Variants in ITPR1 observed in about 807,000 individuals in gnomAD.
ITPR1 encodes inositol 1,4,5-trisphosphate receptor type 1.
A neutral mutation model predicts 318.4 loss-of-function variants in ITPR1; 96 were observed. That is an observed-to-expected ratio of 0.30 (90% CI 0.26 to 0.36). The LOEUF is 0.36. ITPR1 is among the 10% of genes least tolerant of loss of function. The probability of loss-of-function intolerance (pLI) is 1.00; values close to 1 mark genes in which losing one functional copy is unlikely to be tolerated. For missense variants in ITPR1, 2,440 were observed against 3,460.2 expected (o/e 0.71, Z 7.40); for synonymous variants, 1,312 against 1,289.9 (o/e 1.02, Z -0.37).
chr3:4,584,419 T>C (rs913735221), intron 4 of ITPR1, among the ~76,000 whole-genome samples: 1 of 152,164 alleles, frequency 6.6e-6, no homozygotes, highest in Admixed American at 6.5e-5. Flanking sequence ...AAACGAAGTT[T>C]ACAGGCCCCC....
chr3:4,783,804 C>A lies in ITPR1; in HGVS notation c.6511-12C>A, dbSNP rs1194408296. 27 of 1,583,750 alleles carry A rather than the reference C, an allele frequency of 1.7e-5. No homozygotes were observed. The highest frequency in any genetic ancestry group is 2.2e-5 in the Non-Finnish European group (26 of 1,162,166). On this transcript the variant is annotated splice_polypyrimidine_tract_variant and intron_variant, in intron 50 of 61. Coordinates refer to ENST00000649015, the MANE Select transcript of ITPR1 (RefSeq NM_001378452.1). Reference sequence around the variant, plus strand: ...GACACCAACCTCCTGTATCTCTGTCCCTGTATTCTAGTTGGCTCGGCATAA... The same window carrying A: ...GACACCAACCTCCTGTATCTCTGTCACTGTATTCTAGTTGGCTCGGCATAA...
intron 57 of ITPR1, 139 bp downstream of exon 57, chr3:4,813,373 A>G: frequency 1.7e-6 from 1 of 593,354 alleles, no homozygotes; most frequent in Non-Finnish European, 3.0e-6. Context: ...GAGAAAGAGG[A>G]GGGAGATGAA....
intron 2 of ITPR1, among the ~76,000 whole-genome samples, chr3:4,510,826 T>C (rs1423778940): frequency 6.6e-6 from 1 of 152,144 alleles, no homozygotes; most frequent in East Asian, 1.9e-4. Flanking sequence ...GAAATGGTAG[T>C]TGAATTCAGA....
At chr3:4,752,393 T>C (rs1048686736) in intron 44 of ITPR1, among the ~76,000 whole-genome samples, 2 of 152,134 alleles carry the variant, frequency 1.3e-5, no homozygotes, top group Non-Finnish European at 2.9e-5. Flanking sequence ...AGTTAACAGT[T>C]AACTCGATGG....
At chr3:4,558,099 G>A (rs1042903368) in intron 4 of ITPR1, among the ~76,000 whole-genome samples, 2 of 152,156 alleles carry the variant, frequency 1.3e-5, no homozygotes, top group Non-Finnish European at 2.9e-5. Context: ...AAATTGGAAC[G>A]TATGCTTAAG....
At chr3:4,650,134 A>G (rs1415041214) in intron 10 of ITPR1, among the ~76,000 whole-genome samples, 1 of 152,202 alleles carries the variant, frequency 6.6e-6, no homozygotes, top group Non-Finnish European at 1.5e-5. Flanking sequence ...ATCATTTAAT[A>G]GCATTTGGAT....
At position 4,531,011 on chromosome 3, in the gene ITPR1, T is replaced by TA. The variant is rs1575430211; in HGVS notation, c.163+9918dup. On this transcript the variant is annotated intron_variant, in intron 4 of 61. Transcript: ENST00000649015. ...TCCTCCTTTGTGCTTGGCTTTCTGA[T>TA]AGGGTCATGCATGCTTTTGTTCTTG... Among the ~76,000 whole-genome samples the TA allele has an allele frequency of 2.6e-5, 4 of 152,252 alleles. No homozygotes were observed. In the East Asian group the frequency reaches 5.8e-4, roughly 22 times the overall value.
intron 15 of ITPR1, 114 bp downstream of exon 15, chr3:4,662,356 C>T: frequency 5.6e-6 from 5 of 896,268 alleles, no homozygotes; most frequent in Non-Finnish European, 7.8e-6. Context: ...GGGTAGCAGG[C>T]CTTAGCATTT....
intron 60 of ITPR1, among the ~76,000 whole-genome samples, chr3:4,822,607 T>C (rs2049801958): frequency 6.6e-6 from 1 of 152,112 alleles, no homozygotes; most frequent in Non-Finnish European, 1.5e-5. Context: ...ATTTGGGGAG[T>C]GGACCCTGAG....
At chr3:4,719,443 G>A (rs1014437853) in intron 40 of ITPR1, among the ~76,000 whole-genome samples, 2 of 152,216 alleles carry the variant, frequency 1.3e-5, no homozygotes, top group African/African-American at 2.4e-5. Flanking sequence ...TTGCCGGTGT[G>A]TACTCCTGGA....
chr3:4,601,451 C>T (rs1490259017), intron 4 of ITPR1, among the ~76,000 whole-genome samples: 2 of 149,670 alleles, frequency 1.3e-5, no homozygotes, highest in Admixed American at 6.7e-5. Flanking sequence ...CCCAGGAGGT[C>T]GAGGCTGCAC....
At chr3:4,751,383 T>A (rs1423068990) in intron 44 of ITPR1, 1 of 152,168 alleles carries the variant, frequency 6.6e-6, no homozygotes, top group East Asian at 1.9e-4. Context: ...AGTGGCCCCC[T>A]GCACCCTGGC....
chr3:4,707,379 G>A (rs2094781726), intron 37 of ITPR1, among the ~76,000 whole-genome samples: 2 of 152,234 alleles, frequency 1.3e-5, no homozygotes, highest in South Asian at 4.1e-4. Flanking sequence ...GATGCTGGTT[G>A]TCAGGTGGGA....
chr3:4,755,758 C>G (rs750419465), intron 44 of ITPR1, among the ~76,000 whole-genome samples: 82 of 152,208 alleles, frequency 5.4e-4, no homozygotes, highest in Non-Finnish European at 1.0e-3. Flanking sequence ...TCTGCCCCAC[C>G]CTTGCCTGGC....
intron 44 of ITPR1, among the ~76,000 whole-genome samples, chr3:4,754,197 G>A (rs2044777120): frequency 6.6e-6 from 1 of 152,098 alleles, no homozygotes; most frequent in South Asian, 2.1e-4. Flanking sequence ...GACCTGGGGA[G>A]TTGTTTCCAG....
At chr3:4,751,424 G>C (rs901080790) in intron 44 of ITPR1, 1 of 152,244 alleles carries the variant, frequency 6.6e-6, no homozygotes, top group Non-Finnish European at 1.5e-5. Context: ...AGGCTTCTGA[G>C]ATGGCTCTGT....
intron 4 of ITPR1, among the ~76,000 whole-genome samples, chr3:4,542,900 C>A (rs994197454): frequency 6.6e-6 from 1 of 152,190 alleles, no homozygotes; most frequent in Admixed American, 6.5e-5. Context: ...TTCTATATAA[C>A]TGCTTCAGTA....
chr3:4,534,137 G>T (rs1044188500), intron 4 of ITPR1, among the ~76,000 whole-genome samples: 4 of 152,198 alleles, frequency 2.6e-5, no homozygotes, highest in Non-Finnish European at 4.4e-5. Flanking sequence ...AATAGATTTA[G>T]GGGATACAAG....
intron 17 of ITPR1, among the ~76,000 whole-genome samples, chr3:4,665,661 G>A (rs17041141): frequency 0.11 from 17,313 of 151,988 alleles, 1,888 homozygotes; most frequent in African/African-American, 0.28. Context: ...AAAATTCTCC[G>A]TCTCTTTCTA....
Sources: gnomAD v4.1 joint callset for allele counts (sites outside exome capture counted in the v4.1 genomes callset) on GRCh38, gnomAD v4.1.1 for gene constraint, MANE v1.5 for transcripts, NCBI Gene and HGNC (gene_info 2026-07-23, HGNC 2026-07-21) for gene names.